GRB2: variants seen among roughly 807,000 people sequenced by gnomAD.
GRB2 encodes the protein growth factor receptor bound protein 2.
GRB2 carries 2 observed loss-of-function variants against 27.4 expected under a neutral mutation model. The ratio of observed to expected loss-of-function variants is 0.07; its 90% CI spans 0.03 to 0.23. GRB2 has a LOEUF of 0.23. Ranked by LOEUF, GRB2 falls within the 10% of genes least tolerant of loss-of-function variation. The pLI is 1.00. For synonymous variants in GRB2, 94 were observed against 99.6 expected, an observed-to-expected ratio of 0.94 and a Z score of 0.33; for missense variants, 102 against 282.4, an observed-to-expected ratio of 0.36 and a Z score of 4.58.
At chr17:75,402,803 C>T (rs1219122742) in intron 1 of GRB2, among the ~76,000 whole-genome samples, 2 of 152,038 alleles carry the variant, frequency 1.3e-5, no homozygotes, top group African/African-American at 4.8e-5. Context: ...TGGCCGGGCG[C>T]GGTGGCTCAC....
At chr17:75,369,486 G>C (rs746940222) in intron 2 of GRB2, among the ~76,000 whole-genome samples, 1 of 152,058 alleles carries the variant, frequency 6.6e-6, no homozygotes, top group Non-Finnish European at 1.5e-5. Context: ...TTGCTGCTCT[G>C]AGCTCAGCTG....
intron 3 of GRB2, among the ~76,000 whole-genome samples, chr17:75,332,347 C>T (rs533151909): frequency 5.9e-5 from 9 of 152,206 alleles, no homozygotes; most frequent in African/African-American, 1.9e-4. Flanking sequence ...AGCATTAGCA[C>T]ATATAAACAC....
Position 75,334,321 on chromosome 17 carries a change from C to T in GRB2, c.79-1524G>A, listed in dbSNP as rs190566848. Among the ~76,000 whole-genome samples, 1,147 of 152,182 alleles carry T rather than the reference C, an allele frequency of 7.5e-3. 8 individuals are homozygous for T. Among genetic ancestry groups the T allele is most frequent in the African/African-American group, 0.026 (1,065 of 41,500 alleles). ...GAGTGGCTGGGACTACAGGCGCCTG[C>T]CACCACGCCCGGCTAATTTTTTGTA... On this transcript the variant is annotated intron_variant, in intron 2 of 5. Coordinates refer to ENST00000316804, the MANE Select transcript of GRB2 (RefSeq NM_002086.5).
At chr17:75,350,411 T>C (rs1024215972) in intron 2 of GRB2, among the ~76,000 whole-genome samples, 1 of 152,156 alleles carries the variant, frequency 6.6e-6, no homozygotes, top group African/African-American at 2.4e-5. Flanking sequence ...GAGTCCAGAG[T>C]GCTCTGTATG....
chr17:75,359,450 G>A lies in GRB2; in HGVS notation c.79-26653C>T, dbSNP rs183959170. Among the ~76,000 whole-genome samples the A allele has an allele frequency of 4.8e-3, 726 of 151,894 alleles. 5 individuals carry two copies. Among genetic ancestry groups the A allele is most frequent in the African/African-American group, 0.016 (675 of 41,422 alleles). Reference sequence around the variant, plus strand: ...GAGTCCAGGAGTTCGAGGTTGCAGCGAGCTATGATCATGCCACTGCACTCC... The same window carrying A: ...GAGTCCAGGAGTTCGAGGTTGCAGCAAGCTATGATCATGCCACTGCACTCC... On this transcript the variant is annotated intron_variant, in intron 2 of 5. Coordinates refer to ENST00000316804, the MANE Select transcript of GRB2 (RefSeq NM_002086.5).
intron 2 of GRB2, among the ~76,000 whole-genome samples, chr17:75,353,107 C>T (rs942792866): frequency 4.0e-5 from 6 of 151,362 alleles, no homozygotes; most frequent in African/African-American, 1.5e-4. Context: ...ATGGCGTGAA[C>T]CCGGGAGGCG....
intron 5 of GRB2, among the ~76,000 whole-genome samples, chr17:75,321,362 C>T (rs12945743): frequency 1.1e-4 from 16 of 151,506 alleles, no homozygotes; most frequent in Non-Finnish European, 2.2e-4. Flanking sequence ...TTTTTAGTAG[C>T]GACAGGGTTT....
At chr17:75,367,012 A>C (rs1388673562) in intron 2 of GRB2, among the ~76,000 whole-genome samples, 1 of 152,220 alleles carries the variant, frequency 6.6e-6, no homozygotes, top group Non-Finnish European at 1.5e-5. Context: ...TGAGGGTCTT[A>C]CAATTTAGAT....
At chr17:75,324,041 AC>A (rs1455609615) in intron 4 of GRB2, among the ~76,000 whole-genome samples, 1 of 150,636 alleles carries the variant, frequency 6.6e-6, no homozygotes, top group Non-Finnish European at 1.5e-5. Flanking sequence ...CAAACTCCTG[AC>A]CTCATGATCG....
chr17:75,401,149 T>TA (rs1052419187), intron 1 of GRB2, among the ~76,000 whole-genome samples: 80 of 149,686 alleles, frequency 5.3e-4, no homozygotes, highest in African/African-American at 1.7e-3. Flanking sequence ...AGTATGTGCT[T>TA]AAAAAAAAAG....
chr17:75,338,804 C>G, intron 2 of GRB2: 1 of 739,330 alleles, frequency 1.4e-6, no homozygotes, highest in Non-Finnish European at 2.5e-6. Context: ...CAAGTCCTTT[C>G]TGTGCTGATA....
At chr17:75,358,700 T>TAAAA (rs71159497) in intron 2 of GRB2, among the ~76,000 whole-genome samples, 9 of 66,294 alleles carry the variant, frequency 1.4e-4, no homozygotes, top group African/African-American at 4.0e-4. Context: ...CCATCTCTAC[T>TAAAA]AAAAAAAAAA....
At chr17:75,327,379 C>CT (rs1180525289) in intron 3 of GRB2, among the ~76,000 whole-genome samples, 61 of 114,230 alleles carry the variant, frequency 5.3e-4, no homozygotes, top group African/African-American at 1.1e-3. Context: ...ACGCCCGGCC[C>CT]TTTTTTTTTT....
chr17:75,355,709 G>A (rs1157985301), intron 2 of GRB2, among the ~76,000 whole-genome samples: 2 of 151,760 alleles, frequency 1.3e-5, no homozygotes, highest in South Asian at 2.1e-4. Context: ...TGTGGCCTGC[G>A]GGCTGTGGGG....
At chr17:75,356,014 A>G (rs2145843957) in intron 2 of GRB2, among the ~76,000 whole-genome samples, 1 of 151,464 alleles carries the variant, frequency 6.6e-6, no homozygotes, top group Non-Finnish European at 1.5e-5. Flanking sequence ...TTTGTACTTT[A>G]GTAGAATCAG....
intron 2 of GRB2, among the ~76,000 whole-genome samples, chr17:75,360,779 C>G (rs567531187): frequency 6.6e-6 from 1 of 152,216 alleles, no homozygotes; most frequent in East Asian, 1.9e-4. Context: ...TTCTTTTTCA[C>G]TTTAAACTTT....
At chr17:75,336,337 G>C (rs1196303153) in intron 2 of GRB2, among the ~76,000 whole-genome samples, 1 of 152,136 alleles carries the variant, frequency 6.6e-6, no homozygotes, top group Admixed American at 6.6e-5. Context: ...AAATGGTGAG[G>C]TGTGTCTACT....
rs554852765 is a variant in GRB2, at chr17:75,368,939, T to C, written c.78+24612A>G. Among the ~76,000 whole-genome samples the C allele has an allele frequency of 5.5e-4, 84 of 152,360 alleles. 1 individual carries two copies. Among genetic ancestry groups the C allele is most frequent in the African/African-American group, 1.9e-3 (81 of 41,584 alleles). ...ATACTTGCTGTTTTAAGTGCTTCCA[T>C]ATTTCAGTTAGTTTAATCCTCACAA... On this transcript the variant is annotated intron_variant, in intron 2 of 5. Coordinates refer to ENST00000316804, the MANE Select transcript of GRB2 (RefSeq NM_002086.5).
Position 75,380,850 on chromosome 17 carries a change from G to A in GRB2, c.78+12701C>T, listed in dbSNP as rs374416910. On this transcript the variant is annotated intron_variant, in intron 2 of 5. Transcript: ENST00000316804. ...GGATGTTTAATCATCTCAGAAATCT[G>A]GTTAACATAGTCCTATAAAACACTG... 5.3e-5 allele frequency among the ~76,000 whole-genome samples: 8 copies of A among 152,208 alleles called. No individual in the cohort carries two copies. In the East Asian group the frequency reaches 1.5e-3, roughly 29 times the overall value.
Sources: allele counts gnomAD v4.1 joint callset (sites outside exome capture counted in the v4.1 genomes callset), GRCh38; gene constraint gnomAD v4.1.1; transcripts MANE v1.5; gene names NCBI Gene and HGNC (gene_info 2026-07-23, HGNC 2026-07-21).